The following RAB3C variants were observed in gnomAD, a reference collection of about 807,000 sequenced individuals.
RAB3C encodes the protein ras-related protein Rab-3C.
Under a neutral mutation model 26.4 loss-of-function variants are expected in RAB3C, and 17 were observed. That is an observed-to-expected ratio of 0.64 (90% confidence interval 0.44 to 0.97). RAB3C has a LOEUF of 0.97. Ranked by LOEUF, RAB3C falls within the 50% of genes least tolerant of loss-of-function variation. RAB3C has a pLI of 0.00. For missense variants in RAB3C, 242 were observed against 281.9 expected, an observed-to-expected ratio of 0.86 and a Z score of 1.01; for synonymous variants, 91 against 95.9, an observed-to-expected ratio of 0.95 and a Z score of 0.30.
At chr5:58,751,593 A>G (rs1354809826) in intron 3 of RAB3C, among the ~76,000 whole-genome samples, 5 of 152,254 alleles carry the variant, frequency 3.3e-5, no homozygotes, top group African/African-American at 9.6e-5. Flanking sequence ...CACATTGGAT[A>G]CAAAGAATAT....
At chr5:58,675,526 A>T (rs1346236267) in intron 2 of RAB3C, among the ~76,000 whole-genome samples, 1 of 152,046 alleles carries the variant, frequency 6.6e-6, no homozygotes, top group Non-Finnish European at 1.5e-5. Context: ...GCATTCAAGC[A>T]TAGCAACTGG....
intron 2 of RAB3C, among the ~76,000 whole-genome samples, chr5:58,669,428 G>T (rs1579848380): frequency 1.3e-5 from 2 of 152,216 alleles, no homozygotes; most frequent in Middle Eastern, 3.4e-3. Flanking sequence ...AAAAGAGTGA[G>T]CCCAGAGGGA....
At chr5:58,652,874 A>G (rs1408978699) in intron 2 of RAB3C, among the ~76,000 whole-genome samples, 1 of 152,182 alleles carries the variant, frequency 6.6e-6, no homozygotes, top group Non-Finnish European at 1.5e-5. Flanking sequence ...TTACTTTTCC[A>G]GATAAACTTT....
At chr5:58,605,403 AGCTTG>A (rs1156630924) in intron 1 of RAB3C, among the ~76,000 whole-genome samples, 1 of 152,128 alleles carries the variant, frequency 6.6e-6, no homozygotes, top group African/African-American at 2.4e-5. Context: ...GCATGTGAGG[AGCTTG>A]GAAGTCATCA....
intron 3 of RAB3C, among the ~76,000 whole-genome samples, chr5:58,732,505 TTTTC>T (rs1390114454): frequency 6.6e-6 from 1 of 152,138 alleles, no homozygotes. Context: ...AGACTCATTT[TTTTC>T]TTTCTTAAAG....
rs1419738743 is a variant in RAB3C at position 58,857,291 on chromosome 5, T to C, written c.*5940T>C. The C allele has an allele frequency of 6.6e-6, 1 of 152,176 alleles. No homozygotes were observed. Among genetic ancestry groups the C allele is most frequent in the Non-Finnish European group, 1.5e-5 (1 of 68,020 alleles). The allele number at this position is 152,176 out of a possible 1,614,324, so 9.4% of individuals were successfully genotyped here. On this transcript the variant is annotated 3_prime_UTR_variant, in exon 5 of 5. Transcript: ENST00000282878. ...AAACCCCTCTGTGCCTACTTCAAAA[T>C]ACTTTTTTCTTATAAAACCAAACAT...
intron 2 of RAB3C, among the ~76,000 whole-genome samples, chr5:58,682,349 T>G (rs158996): frequency 0.13 from 19,602 of 152,206 alleles, 1,597 homozygotes; most frequent in Middle Eastern, 0.23. Context: ...GCCACTATGT[T>G]AAAATAGAAT....
At chr5:58,632,826 C>T (rs959742640) in intron 2 of RAB3C, among the ~76,000 whole-genome samples, 2 of 152,238 alleles carry the variant, frequency 1.3e-5, no homozygotes, top group Admixed American at 6.5e-5. Flanking sequence ...TGACTGAATA[C>T]AGTCCCACTT....
chr5:58,628,233 G>A (rs1161875308), intron 2 of RAB3C, among the ~76,000 whole-genome samples: 1 of 150,590 alleles, frequency 6.6e-6, no homozygotes, highest in Non-Finnish European at 1.5e-5. Flanking sequence ...AAAGTACAAA[G>A]GAGACATAAA....
Position 58,825,088 on chromosome 5 carries a change from T to C in RAB3C, c.422T>C (p.Val141Ala), listed in dbSNP as rs753063246. 2 of 1,613,374 alleles carry C rather than the reference T, an allele frequency of 1.2e-6. No individual in the cohort carries two copies. The highest frequency in any genetic ancestry group is 1.7e-6 in the Non-Finnish European group (2 of 1,179,622). The change falls in exon 4 of 5, where the codon GTT (valine) becomes GCT (alanine). Residue 141 changes from valine (V) to alanine (A), a missense_variant. By Grantham distance (64) the Val-to-Ala change is moderately conservative (BLOSUM62 0). Transcript: ENST00000282878. ...TGGGACAATGCCCAAGTTATTCTGG[T>C]TGGGAACAAGTGTGACATGGAAGAC... ...YSWDNAQVIL[V>A]GNKCDMEDER...
chr5:58,761,782 G>A (rs1398609830), intron 3 of RAB3C, among the ~76,000 whole-genome samples: 1 of 152,128 alleles, frequency 6.6e-6, no homozygotes, highest in Non-Finnish European at 1.5e-5. Context: ...TATACTGTAA[G>A]TGATGACAGT....
intron 2 of RAB3C, among the ~76,000 whole-genome samples, chr5:58,691,058 C>T (rs1748560310): frequency 6.6e-6 from 1 of 151,566 alleles, no homozygotes; most frequent in South Asian, 2.1e-4. Context: ...TTTAAGTCAC[C>T]AAAAACACAT....
chr5:58,635,685 A>G (rs1747276123), intron 2 of RAB3C, among the ~76,000 whole-genome samples: 1 of 152,182 alleles, frequency 6.6e-6, no homozygotes, highest in Non-Finnish European at 1.5e-5. Flanking sequence ...GCTCTAGAGC[A>G]TACTTTACCT....
intron 1 of RAB3C, among the ~76,000 whole-genome samples, chr5:58,615,826 A>G (rs1295718146): frequency 6.6e-6 from 1 of 152,192 alleles, no homozygotes; most frequent in African/African-American, 2.4e-5. Context: ...CTTAACTTTC[A>G]TGAAATACCC....
chr5:58,603,082 C>T (rs943730446), intron 1 of RAB3C, among the ~76,000 whole-genome samples: 16 of 152,034 alleles, frequency 1.1e-4, no homozygotes, highest in African/African-American at 9.7e-5. Context: ...TGCTTAGTTT[C>T]GCTGCATACA....
chr5:58,849,219 G>T (rs1744063999), intron 4 of RAB3C, among the ~76,000 whole-genome samples: 1 of 152,180 alleles, frequency 6.6e-6, no homozygotes, highest in Admixed American at 6.5e-5. Flanking sequence ...CAAAAGAGAT[G>T]AAAAAATTGA....
chr5:58,603,638 T>C (rs538085401), intron 1 of RAB3C, among the ~76,000 whole-genome samples: 1 of 152,330 alleles, frequency 6.6e-6, no homozygotes, highest in African/African-American at 2.4e-5. Context: ...TCTAAAGGTG[T>C]GTCCAAAGCT....
chr5:58,613,009 T>C (rs1012683279), intron 1 of RAB3C, among the ~76,000 whole-genome samples: 2 of 152,122 alleles, frequency 1.3e-5, no homozygotes, highest in South Asian at 4.1e-4. Flanking sequence ...AATGGCTTAG[T>C]ACAGTTTAGA....
chr5:58,848,581 G>C (rs2112088492), intron 4 of RAB3C: 1 of 152,222 alleles, frequency 6.6e-6, no homozygotes, highest in East Asian at 1.9e-4. Flanking sequence ...CCTACTAATG[G>C]ATAAAATGAG....
Sources: allele counts gnomAD v4.1 joint callset (sites outside exome capture counted in the v4.1 genomes callset), GRCh38; gene constraint gnomAD v4.1.1; transcripts MANE v1.5; gene names NCBI Gene and HGNC (gene_info 2026-07-23, HGNC 2026-07-21).